The following UQCC2 variants were observed in gnomAD, a reference collection of about 807,000 sequenced individuals.
The protein encoded by UQCC2 is breast cancer-associated protein SGA-81M.
A neutral mutation model predicts 19.9 loss-of-function variants in UQCC2; 21 were observed. That is an observed-to-expected ratio of 1.05 (90% CI 0.75 to 1.52). The LOEUF (loss-of-function observed/expected upper bound fraction) is 1.52, where lower values mean the gene tolerates loss of function less well. Among genes scored for constraint, UQCC2 ranks in the 40% most tolerant of loss-of-function variants. The pLI is 0.00. For missense variants in UQCC2, 135 were observed against 157.5 expected (o/e 0.86, Z 0.76); for synonymous variants, 57 against 60.9 (o/e 0.94, Z 0.30).
At chr6:33,698,711 C>T (rs1765601492) in intron 3 of UQCC2, 1 of 152,172 alleles carries the variant, frequency 6.6e-6, no homozygotes, top group Admixed American at 6.5e-5. Flanking sequence ...GCATCCTGGC[C>T]TCTACCCACT....
intron 3 of UQCC2, 102 bp downstream of exon 3, chr6:33,700,342 C>A: frequency 7.5e-7 from 1 of 1,337,926 alleles, no homozygotes; most frequent in South Asian, 1.2e-5. Context: ...TTCTACAAGA[C>A]TTTCCATCAA....
chr6:33,700,298 T>A (rs1003282946), intron 3 of UQCC2, 146 bp downstream of exon 3: 25 of 801,394 alleles, frequency 3.1e-5, no homozygotes, highest in Non-Finnish European at 5.1e-5. Context: ...TCAAAATGCA[T>A]GCGCCCTGTA....
At chr6:33,705,954 G>A (rs115753257) in intron 1 of UQCC2, among the ~76,000 whole-genome samples, 107 of 152,308 alleles carry the variant, frequency 7.0e-4, no homozygotes, top group South Asian at 1.9e-3. Context: ...TAAAATAGAT[G>A]TTCATCTGAC....
At chr6:33,710,730 C>T (rs1671664753) in intron 1 of UQCC2, among the ~76,000 whole-genome samples, 1 of 152,260 alleles carries the variant, frequency 6.6e-6, no homozygotes, top group Admixed American at 6.5e-5. Flanking sequence ...TGTAAAACTT[C>T]ATGCGGGCAG....
At chr6:33,710,840 T>C (rs1765760418) in intron 1 of UQCC2, among the ~76,000 whole-genome samples, 1 of 152,176 alleles carries the variant, frequency 6.6e-6, no homozygotes, top group African/African-American at 2.4e-5. Context: ...ATCCCAGAGC[T>C]GCAGCGCCAA....
chr6:33,710,388 G>C (rs1224051683), intron 1 of UQCC2, among the ~76,000 whole-genome samples: 1 of 152,170 alleles, frequency 6.6e-6, no homozygotes, highest in Non-Finnish European at 1.5e-5. Context: ...AAGCTAATCA[G>C]AACAGATAAT....
At chr6:33,706,264 T>C (rs966733618) in intron 1 of UQCC2, among the ~76,000 whole-genome samples, 1 of 152,204 alleles carries the variant, frequency 6.6e-6, no homozygotes, top group Non-Finnish European at 1.5e-5. Context: ...TTTTCAAGAC[T>C]TGGTAATGAA....
chr6:33,697,332 G>A lies in UQCC2; in HGVS notation c.*321C>T, dbSNP rs557913737. 1.3e-4 allele frequency: 34 copies of A among 261,414 alleles called. No homozygotes were observed. Among genetic ancestry groups the A allele is most frequent in the African/African-American group, 5.7e-4 (26 of 45,272 alleles). The allele number at this position is 261,414 out of a possible 1,614,324, so 16.2% of individuals were successfully genotyped here. Reference sequence around the variant, plus strand: ...TATCTTGCCAGGAGACACCAGACCCGTGCCAGAGGGGCGGGGGCTCCCGTG... The same window carrying A: ...TATCTTGCCAGGAGACACCAGACCCATGCCAGAGGGGCGGGGGCTCCCGTG... On this transcript the variant is annotated 3_prime_UTR_variant, in exon 4 of 4. Coordinates refer to ENST00000607484, the MANE Select transcript of UQCC2 (RefSeq NM_032340.4).
intron 1 of UQCC2, among the ~76,000 whole-genome samples, chr6:33,703,229 A>C (rs1315957305): frequency 5.3e-5 from 8 of 152,170 alleles, no homozygotes; most frequent in Non-Finnish European, 2.9e-5. Flanking sequence ...CAATGGCGTG[A>C]TCTCGGCTCA....
intron 1 of UQCC2, among the ~76,000 whole-genome samples, chr6:33,707,141 GAAT>G (rs552697100): frequency 7.3e-4 from 112 of 152,384 alleles, no homozygotes; most frequent in Non-Finnish European, 1.3e-3. Flanking sequence ...CCCTTGGTGT[GAAT>G]ACTACCCTAG....
At chr6:33,705,880 C>A (rs1765692599) in intron 1 of UQCC2, among the ~76,000 whole-genome samples, 1 of 152,182 alleles carries the variant, frequency 6.6e-6, no homozygotes, top group Non-Finnish European at 1.5e-5. Flanking sequence ...AATAGCAGTG[C>A]TGGGTTTGAA....
At chr6:33,700,763 C>G (rs1370570351) in intron 2 of UQCC2, among the ~76,000 whole-genome samples, 1 of 152,232 alleles carries the variant, frequency 6.6e-6, no homozygotes. Flanking sequence ...GCCCCTGATT[C>G]TGCATTTCTA....
chr6:33,697,573 G>T lies in UQCC2; in HGVS notation c.*80C>A. 1 of 1,089,664 alleles carries T rather than the reference G, an allele frequency of 9.2e-7. No individual in the cohort carries two copies. Among genetic ancestry groups the T allele is most frequent in the Non-Finnish European group, 1.3e-6 (1 of 748,906 alleles). 67.5% of individuals were successfully genotyped at this position (1,089,664 alleles called of 1,614,324 possible). On this transcript the variant is annotated 3_prime_UTR_variant, in exon 4 of 4. Transcript: ENST00000607484. Reference sequence around the variant, plus strand: ...GAGATTCCCAAACCGTAAGGTCAAGGGGAAACTGGGGCAGTTTTATTGACG... The same window carrying T: ...GAGATTCCCAAACCGTAAGGTCAAGTGGAAACTGGGGCAGTTTTATTGACG...
chr6:33,710,732 T>G (rs551970578), intron 1 of UQCC2, among the ~76,000 whole-genome samples: 1 of 152,356 alleles, frequency 6.6e-6, no homozygotes, highest in Admixed American at 6.5e-5. Flanking sequence ...TAAAACTTCA[T>G]GCGGGCAGGA....
intron 2 of UQCC2, 89 bp from the exon 3 acceptor site, chr6:33,700,602 G>A: frequency 1.4e-6 from 2 of 1,387,546 alleles, no homozygotes; most frequent in Non-Finnish European, 1.0e-6. Context: ...TAGGCCCTGG[G>A]CAACCAGAGG....
chr6:33,708,379 G>A (rs6904816), intron 1 of UQCC2, among the ~76,000 whole-genome samples: 62,509 of 152,112 alleles, frequency 0.41, 15,316 homozygotes, highest in East Asian at 0.85. Context: ...TTATGGCTAC[G>A]GAACCCCCAG....
At chr6:33,700,711 T>C (rs1411118982) in intron 2 of UQCC2, among the ~76,000 whole-genome samples, 198 bp from the exon 3 acceptor site, 4 of 152,170 alleles carry the variant, frequency 2.6e-5, no homozygotes, top group African/African-American at 4.8e-5. Context: ...CCAACTATAA[T>C]GTACCCGTGA....
Position 33,697,614 on chromosome 6 carries a change from A to C in UQCC2, c.*39T>G, listed in dbSNP as rs1300856490. The C allele has an allele frequency of 6.6e-7, 1 of 1,503,770 alleles. No homozygotes were observed. The highest frequency in any genetic ancestry group is 2.3e-5 in the East Asian group (1 of 44,300). The allele number at this position is 1,503,770 out of a possible 1,614,324, so 93.2% of individuals were successfully genotyped here. A position where few individuals can be genotyped will look rare whatever the true frequency, so the allele number is the denominator to read the frequency against. ...TTTATTGACGATGGCAATGTACAAG[A>C]CTCCACACCTAGGTATGTGCACGAG... On this transcript the variant is annotated 3_prime_UTR_variant, in exon 4 of 4. Transcript: ENST00000607484.
chr6:33,710,927 G>C (rs1455956364), intron 1 of UQCC2, among the ~76,000 whole-genome samples: 1 of 152,200 alleles, frequency 6.6e-6, no homozygotes, highest in African/African-American at 2.4e-5. Flanking sequence ...TGCTGCACAG[G>C]CTTACAGGGG....
Sources: allele counts gnomAD v4.1 joint callset (sites outside exome capture counted in the v4.1 genomes callset), GRCh38; gene constraint gnomAD v4.1.1; transcripts MANE v1.5; gene names NCBI Gene and HGNC (gene_info 2026-07-23, HGNC 2026-07-21).